Variants in ATP1A4 observed in about 807,000 individuals in gnomAD.
ATP1A4 encodes sodium/potassium-transporting ATPase subunit alpha-4.
A neutral mutation model predicts 114.3 loss-of-function variants in ATP1A4; 90 were observed. That is an observed-to-expected ratio of 0.79 (90% CI 0.66 to 0.94). The LOEUF (loss-of-function observed/expected upper bound fraction) is 0.94. Among genes scored for constraint, ATP1A4 ranks in the 40% least tolerant of loss-of-function variants. The pLI, the probability that ATP1A4 is intolerant of heterozygous loss-of-function variation, is 0.00. For missense variants in ATP1A4, 1,222 were observed against 1,313.6 expected (o/e 0.93, Z 1.08); for synonymous variants, 511 against 494.1 (o/e 1.03, Z -0.45).
intron 1 of ATP1A4, among the ~76,000 whole-genome samples, chr1:160,152,536 G>A (rs1652494916): frequency 6.6e-6 from 1 of 152,140 alleles, no homozygotes; most frequent in South Asian, 2.1e-4. Context: ...TTCTCATGAT[G>A]AGGTGATTTT....
rs1275042240 is a variant in ATP1A4, at chr1:160,171,903, T to C, written c.1854+146T>C. The stretch of plus-strand genomic sequence containing the variant: ...TGGGCTTATGATTTTTAATTAATAG[T>C]AAGTTTCCTCTCCAGTTAGAATTCT... On this transcript the variant is annotated intron_variant, in intron 12 of 21. Coordinates refer to ENST00000368081, the MANE Select transcript of ATP1A4 (RefSeq NM_144699.4). The C allele has an allele frequency of 4.9e-6, 4 of 818,224 alleles. No individual in the cohort carries two copies. In the East Asian group the frequency reaches 1.1e-4, roughly 23 times the overall value. 50.7% of individuals were successfully genotyped at this position (818,224 alleles called of 1,614,324 possible).
At chr1:160,160,686 G>A (rs188254945) in intron 6 of ATP1A4, among the ~76,000 whole-genome samples, 63 of 152,124 alleles carry the variant, frequency 4.1e-4, no homozygotes, top group Non-Finnish European at 8.1e-4. Context: ...GAAAGGAGGC[G>A]GGTCAGGGAT....
At chr1:160,152,388 A>G (rs1396335382) in intron 1 of ATP1A4, among the ~76,000 whole-genome samples, 2 of 151,600 alleles carry the variant, frequency 1.3e-5, no homozygotes, top group Non-Finnish European at 2.9e-5. Flanking sequence ...AAGCACAGGT[A>G]TATTGCAGAC....
intron 21 of ATP1A4, 50 bp from the exon 22 acceptor site, chr1:160,186,621 A>G: frequency 1.3e-6 from 2 of 1,593,280 alleles, no homozygotes; most frequent in Admixed American, 3.5e-5. Context: ...TCTCCCCTGG[A>G]TGCCTCTAAT....
rs527303426 is a variant in ATP1A4, at chr1:160,186,086, C to CAAAAAAA, written c.2970-174_2970-168dup. Reference sequence around the variant, plus strand: ...TGGGCAACAGAACAAGACTCTGTCGCAAAAAAAAAAAAAAAAAAAAAAGGG... The same window carrying CAAAAAAA: ...TGGGCAACAGAACAAGACTCTGTCGCAAAAAAAAAAAAAAAAAAAAAAAAAAAAAGGG... On this transcript the variant is annotated intron_variant, in intron 20 of 21. Coordinates refer to ENST00000368081, the MANE Select transcript of ATP1A4 (RefSeq NM_144699.4). 9.7e-3 allele frequency among the ~76,000 whole-genome samples: 318 copies of CAAAAAAA among 32,778 alleles called. 37 individuals are homozygous for CAAAAAAA. Among genetic ancestry groups the CAAAAAAA allele is most frequent in the African/African-American group, 0.037 (294 of 7,884 alleles). 21.5% of individuals were successfully genotyped at this position (32,778 alleles called of 152,430 possible).
At chr1:160,158,183 C>CTGTT (rs1652733487) in intron 4 of ATP1A4, among the ~76,000 whole-genome samples, 1 of 152,158 alleles carries the variant, frequency 6.6e-6, no homozygotes, top group Non-Finnish European at 1.5e-5. Flanking sequence ...TGTGGCTGTG[C>CTGTT]TGTTGTTCCT....
chr1:160,177,402 T>A, intron 17 of ATP1A4, 117 bp from the exon 18 acceptor site: 1 of 1,071,536 alleles, frequency 9.3e-7, no homozygotes, highest in Non-Finnish European at 1.4e-6. Context: ...GCATTACTCT[T>A]CAGACACACA....
chr1:160,170,562 G>C (rs1199316961), intron 10 of ATP1A4: 1 of 148,862 alleles, frequency 6.7e-6, no homozygotes, highest in Non-Finnish European at 1.5e-5. Flanking sequence ...GCTAGCCCCA[G>C]AACACAGGTC....
At position 160,186,950 on chromosome 1, in the gene ATP1A4, A is replaced by T; in HGVS notation, c.*251A>T. ...TCCTGCTGAATCCCGTAGCCAGTCTAGACAGTAAATGTCTGGAAAAGCCCT... is the reference window on the plus strand; with the variant it reads ...TCCTGCTGAATCCCGTAGCCAGTCTTGACAGTAAATGTCTGGAAAAGCCCT... On this transcript the variant is annotated 3_prime_UTR_variant, in exon 22 of 22. Coordinates refer to ENST00000368081, the MANE Select transcript of ATP1A4 (RefSeq NM_144699.4). 1.8e-6 allele frequency: 1 copy of T among 553,930 alleles called. No homozygotes were observed. The highest frequency in any genetic ancestry group is 3.2e-6 in the Non-Finnish European group (1 of 307,720). The allele number at this position is 553,930 out of a possible 1,614,324, so 34.3% of individuals were successfully genotyped here.
At chr1:160,156,566 T>G (rs891190445) in intron 4 of ATP1A4, among the ~76,000 whole-genome samples, 1 of 152,034 alleles carries the variant, frequency 6.6e-6, no homozygotes, top group Non-Finnish European at 1.5e-5. Flanking sequence ...AGACCAGGCA[T>G]AGTGGCTCAC....
Position 160,181,782 on chromosome 1 carries a change from T to G in ATP1A4, c.2835T>G (p.Thr945=). Residue 945 remains threonine (T), a synonymous_variant, in exon 19 of 22, where the codon ACT becomes ACG. Transcript: ENST00000368081. ...VQWADLIISK[T]RRNSLFQQGM... is the part of the protein sequence containing the mutation. ...GGGCGGATCTCATCATCTCCAAGAC[T>G]CGCCGCAACTCACTTTTCCAGCAGG... is the stretch of plus-strand genomic sequence containing the variant. The G allele has an allele frequency of 6.2e-7, 1 of 1,613,888 alleles. No individual in the cohort carries two copies. Among genetic ancestry groups the G allele is most frequent in the Non-Finnish European group, 8.5e-7 (1 of 1,179,968 alleles).
At chr1:160,156,975 G>A (rs546304714) in intron 4 of ATP1A4, among the ~76,000 whole-genome samples, 19 of 152,120 alleles carry the variant, frequency 1.2e-4, no homozygotes, top group African/African-American at 3.1e-4. Context: ...TTAGCTGAGC[G>A]TGCCTGTAGT....
intron 20 of ATP1A4, among the ~76,000 whole-genome samples, chr1:160,184,125 G>A (rs1653802181): frequency 6.6e-6 from 1 of 151,994 alleles, no homozygotes; most frequent in Non-Finnish European, 1.5e-5. Context: ...GCTAATTTTT[G>A]TATTTTTAGT....
rs534112101 is a variant in ATP1A4 at position 160,155,256 on chromosome 1, T to G, written c.411+8T>G. 1.2e-6 allele frequency: 2 copies of G among 1,609,490 alleles called. No homozygotes were observed. Among genetic ancestry groups the G allele is most frequent in the East Asian group, 4.5e-5 (2 of 44,810 alleles). Reference sequence around the variant, plus strand: ...GAGCCTACCAAAGACAACGTGAGTCTCTTCAGCTACTACTAGCCAGCCCTA... The same window carrying G: ...GAGCCTACCAAAGACAACGTGAGTCGCTTCAGCTACTACTAGCCAGCCCTA... On this transcript the variant is annotated splice_region_variant and intron_variant, in intron 3 of 21. Transcript: ENST00000368081.
intron 20 of ATP1A4, among the ~76,000 whole-genome samples, chr1:160,182,495 G>T (rs1653739776): frequency 6.6e-6 from 1 of 151,990 alleles, no homozygotes; most frequent in African/African-American, 2.4e-5. Context: ...TTTTTGCTTT[G>T]TTTTGCTTTG....
intron 7 of ATP1A4, 74 bp from the exon 8 acceptor site, chr1:160,166,454 C>A: frequency 6.5e-7 from 1 of 1,544,022 alleles, no homozygotes; most frequent in East Asian, 2.3e-5. Context: ...TAAAAATGAT[C>A]AAATATCCAC....
Position 160,174,574 on chromosome 1 carries a change from C to T in ATP1A4, c.2143-5C>T. The stretch of plus-strand genomic sequence containing the variant: ...TGTTCACTCTCTCTGTCTGGACTTC[C>T]TCAGGGAGCCGTTGTGGCCGTGACA... On this transcript the variant is annotated splice_region_variant and splice_polypyrimidine_tract_variant and intron_variant, in intron 14 of 21. Transcript: ENST00000368081. 2 of 1,612,578 alleles carry T rather than the reference C, an allele frequency of 1.2e-6. No homozygotes were observed. The highest frequency in any genetic ancestry group is 1.7e-6 in the Non-Finnish European group (2 of 1,178,756).
chr1:160,171,882 C>A, intron 12 of ATP1A4, 125 bp downstream of exon 12: 2 of 996,308 alleles, frequency 2.0e-6, no homozygotes, highest in Non-Finnish European at 2.9e-6. Context: ...TTTCCTTGGG[C>A]TTATGATTTT....
Position 160,167,337 on chromosome 1 carries a change from C to A in ATP1A4, c.1416C>A (p.Tyr472Ter). 1 of 1,611,330 alleles carries A rather than the reference C, an allele frequency of 6.2e-7. No homozygotes were observed. Among genetic ancestry groups the A allele is most frequent in the East Asian group, 2.2e-5 (1 of 44,878 alleles). ...TCCTCAAGTTCATCGAGCAGTCTTA[C>A]AGCTCTGTGGCGGAGATGAGAGAGA... is the stretch of plus-strand genomic sequence containing the variant. ...SALLKFIEQSYSSVAEMREKN... is the reference protein window; with the variant it reads ...SALLKFIEQS Residue 472 changes from tyrosine (Y) to a stop codon, truncating the protein, a stop_gained, in exon 10 of 22, where the codon TAC becomes TAA. Coordinates refer to ENST00000368081, the MANE Select transcript of ATP1A4 (RefSeq NM_144699.4). LOFTEE classifies it high-confidence loss of function.
Sources: gnomAD v4.1 joint callset for allele counts (sites outside exome capture counted in the v4.1 genomes callset) on GRCh38, gnomAD v4.1.1 for gene constraint, MANE v1.5 for transcripts, NCBI Gene and HGNC (gene_info 2026-07-23, HGNC 2026-07-21) for gene names.